The following CSNK1G3 variants were observed in gnomAD, a reference collection of about 807,000 sequenced individuals.
The protein encoded by CSNK1G3 is casein kinase 1 gamma 3, also known as casein kinase I isoform gamma-3.
CSNK1G3 carries 23 observed loss-of-function variants against 64.3 expected under a neutral mutation model. The observed-to-expected ratio is 0.36, with a 90% CI of 0.26 to 0.51. CSNK1G3 has a LOEUF of 0.51. CSNK1G3 is among the 20% of genes least tolerant of loss of function. CSNK1G3 has a pLI of 0.96. For synonymous variants in CSNK1G3, 158 were observed against 162.2 expected, an observed-to-expected ratio of 0.97 and a Z score of 0.20; for missense variants, 357 against 510.5, an observed-to-expected ratio of 0.70 and a Z score of 2.90.
At chr5:123,598,732 C>T (rs1025639204) in intron 10 of CSNK1G3, among the ~76,000 whole-genome samples, 1 of 151,964 alleles carries the variant, frequency 6.6e-6, no homozygotes, top group African/African-American at 2.4e-5. Context: ...CTAAATTTGG[C>T]TTTATTCTGA....
At chr5:123,537,486 G>A (rs534513321) in intron 1 of CSNK1G3, among the ~76,000 whole-genome samples, 10 of 152,170 alleles carry the variant, frequency 6.6e-5, no homozygotes, top group Non-Finnish European at 1.2e-4. Context: ...CAATGTACAT[G>A]TTTTGGGTGA....
chr5:123,553,178 G>C (rs1384244936), intron 3 of CSNK1G3, 31 bp downstream of exon 3: 2 of 1,158,718 alleles, frequency 1.7e-6, no homozygotes, highest in East Asian at 2.7e-5. Context: ...TTTTCTTAAT[G>C]ATTTCTTTGT....
chr5:123,536,244 G>A (rs946895451), intron 1 of CSNK1G3, among the ~76,000 whole-genome samples: 2 of 152,014 alleles, frequency 1.3e-5, no homozygotes, highest in Non-Finnish European at 2.9e-5. Context: ...TGGAAGACAA[G>A]GGGTATGGAT....
chr5:123,556,583 T>C (rs1437335998), intron 3 of CSNK1G3, among the ~76,000 whole-genome samples: 2 of 152,198 alleles, frequency 1.3e-5, no homozygotes, highest in South Asian at 2.1e-4. Flanking sequence ...AATTTAGTTA[T>C]TGTATTCTCT....
intron 10 of CSNK1G3, among the ~76,000 whole-genome samples, chr5:123,595,700 G>A (rs1300586373): frequency 6.6e-6 from 1 of 151,890 alleles, no homozygotes; most frequent in Admixed American, 6.6e-5. Flanking sequence ...TCAATAAATT[G>A]TATGGCTTTT....
chr5:123,512,919 C>T lies in CSNK1G3; in HGVS notation c.-248+349C>T, dbSNP rs532830356. On this transcript the variant is annotated intron_variant, in intron 1 of 12. Transcript: ENST00000345990. The stretch of plus-strand genomic sequence containing the variant: ...GGTGGGCCAACTGGGCCGGCGGGGG[C>T]TTCCTTAGGAGAGATTGGGAGGTGG... Among the ~76,000 whole-genome samples, 11 of 152,142 alleles carry T rather than the reference C, an allele frequency of 7.2e-5. No homozygotes were observed. In the South Asian group the frequency reaches 1.9e-3, roughly 26 times the overall value.
intron 1 of CSNK1G3, among the ~76,000 whole-genome samples, chr5:123,529,659 G>A (rs1217130806): frequency 1.3e-5 from 2 of 152,150 alleles, no homozygotes; most frequent in Admixed American, 1.3e-4. Flanking sequence ...AGGGTTTGCA[G>A]TGAAATTTCT....
At chr5:123,525,172 A>G (rs1778819687) in intron 1 of CSNK1G3, among the ~76,000 whole-genome samples, 1 of 151,094 alleles carries the variant, frequency 6.6e-6, no homozygotes, top group African/African-American at 2.4e-5. Flanking sequence ...CCTTTAGCAC[A>G]TAATAGGTCT....
rs772856578 is a variant in CSNK1G3, at chr5:123,553,148, G to A, written c.219+1G>A. ...AAATGAATATGTGGCAATTAAGTTG[G>A]TAAGTTCCTGTTTCTTAATTTTTCT... On this transcript the variant is annotated splice_donor_variant, in intron 3 of 12. Coordinates refer to ENST00000345990, the Ensembl canonical transcript of CSNK1G3. LOFTEE classifies it high-confidence loss of function. 1 of 1,373,174 alleles carries A rather than the reference G, an allele frequency of 7.3e-7. No individual in the cohort carries two copies. Among genetic ancestry groups the A allele is most frequent in the Non-Finnish European group, 9.9e-7 (1 of 1,015,186 alleles). The allele number at this position is 1,373,174 out of a possible 1,614,324, so 85.1% of individuals were successfully genotyped here. A position where few individuals can be genotyped will look rare whatever the true frequency, so the allele number is the denominator to read the frequency against.
intron 5 of CSNK1G3, among the ~76,000 whole-genome samples, chr5:123,574,820 TC>T (rs1788851359): frequency 6.6e-6 from 1 of 152,070 alleles, no homozygotes; most frequent in African/African-American, 2.4e-5. Flanking sequence ...TGAGACCCTG[TC>T]CCTGCCCCCA....
chr5:123,548,640 TC>T (rs981786539), intron 2 of CSNK1G3, among the ~76,000 whole-genome samples: 4 of 152,012 alleles, frequency 2.6e-5, no homozygotes, highest in African/African-American at 9.7e-5. Flanking sequence ...TGCCTGTAGT[TC>T]CAGTTACTGG....
exon 13 of CSNK1G3, chr5:123,614,695 A>T (rs186983831): frequency 5.2e-5 from 13 of 251,864 alleles, no homozygotes; most frequent in Middle Eastern, 1.3e-3. Flanking sequence ...AACATTTTCC[A>T]GAAGTTCTTC....
At chr5:123,578,983 CAGATAGACAGA>C (rs1181877678) in intron 6 of CSNK1G3, among the ~76,000 whole-genome samples, 2 of 152,002 alleles carry the variant, frequency 1.3e-5, no homozygotes, top group African/African-American at 4.8e-5. Flanking sequence ...CATCTTACAA[CAGATAGACAGA>C]AATGTGAACC....
chr5:123,518,865 T>C (rs1056984125), intron 1 of CSNK1G3, among the ~76,000 whole-genome samples: 12 of 152,188 alleles, frequency 7.9e-5, no homozygotes, highest in African/African-American at 2.9e-4. Flanking sequence ...TTTGAAGCGA[T>C]TCTCGTGCTT....
At chr5:123,561,253 C>T (rs1464592828) in intron 4 of CSNK1G3, among the ~76,000 whole-genome samples, 1 of 152,150 alleles carries the variant, frequency 6.6e-6, no homozygotes, top group Non-Finnish European at 1.5e-5. Flanking sequence ...CACATCTACT[C>T]AGTATTCGTT....
At chr5:123,593,383 A>G (rs1449203895) in intron 10 of CSNK1G3, among the ~76,000 whole-genome samples, 2 of 152,170 alleles carry the variant, frequency 1.3e-5, no homozygotes, top group Non-Finnish European at 2.9e-5. Context: ...TCTACAAGAA[A>G]CCCACAGTTC....
In CSNK1G3 at chr5:123,523,500, G is replaced by A. The variant is rs184106301; in HGVS notation, c.-248+10930G>A. Reference sequence around the variant, plus strand: ...ATATTCAATTCAATGAACATTTTTTGTGTGGTGGCAAAATTGGATTTGGCA... The same window carrying A: ...ATATTCAATTCAATGAACATTTTTTATGTGGTGGCAAAATTGGATTTGGCA... On this transcript the variant is annotated intron_variant, in intron 1 of 12. Coordinates refer to ENST00000345990, the Ensembl canonical transcript of CSNK1G3. Among the ~76,000 whole-genome samples the A allele has an allele frequency of 4.6e-3, 699 of 152,198 alleles. 6 individuals carry two copies. The highest frequency in any genetic ancestry group is 4.3e-3 in the Non-Finnish European group (292 of 67,988).
intron 1 of CSNK1G3, among the ~76,000 whole-genome samples, chr5:123,541,542 C>T (rs1781680330): frequency 6.6e-6 from 1 of 152,166 alleles, no homozygotes; most frequent in Admixed American, 6.6e-5. Flanking sequence ...CATTCTCCCA[C>T]CTCAGCCTCC....
chr5:123,585,125 A>T (rs1422646901), intron 6 of CSNK1G3, among the ~76,000 whole-genome samples: 2 of 152,274 alleles, frequency 1.3e-5, no homozygotes, highest in East Asian at 3.9e-4. Flanking sequence ...AGATACAGAT[A>T]AGTTGGTCAG....
Sources: allele counts gnomAD v4.1 joint callset (sites outside exome capture counted in the v4.1 genomes callset), GRCh38; gene constraint gnomAD v4.1.1; transcripts MANE v1.5; gene names NCBI Gene and HGNC (gene_info 2026-07-23, HGNC 2026-07-21).